Variants in MCM3AP observed in about 807,000 individuals in gnomAD.
MCM3AP encodes the protein minichromosome maintenance complex component 3 associated protein.
MCM3AP carries 126 observed loss-of-function variants against 184.1 expected under a neutral mutation model. That is an observed-to-expected ratio of 0.68 (90% CI 0.59 to 0.79). The LOEUF is 0.79. Ranked by LOEUF, MCM3AP falls within the 30% of genes least tolerant of loss-of-function variation. The pLI, the probability that MCM3AP is intolerant of heterozygous loss-of-function variation, is 0.00. For missense variants in MCM3AP, 2,496 were observed against 2,479.2 expected, an observed-to-expected ratio of 1.01 and a Z score of -0.14; for synonymous variants, 1,002 against 979.3, an observed-to-expected ratio of 1.02 and a Z score of -0.43.
At position 46,256,895 on chromosome 21, in the gene MCM3AP, G is replaced by T. The variant is rs199914820; in HGVS notation, c.3826C>A (p.Leu1276Met). 6.2e-7 allele frequency: 1 copy of T among 1,606,132 alleles called. No homozygotes were observed. Among genetic ancestry groups the T allele is most frequent in the Non-Finnish European group, 8.5e-7 (1 of 1,176,632 alleles). Residue 1276 changes from leucine to methionine, a missense_variant, in exon 17 of 28, where the codon CTG becomes ATG. This residue lies in a region of MCM3AP where 1,323 missense variants were observed against 1,273.4 expected (regional missense o/e 1.04). Coordinates refer to ENST00000291688, the MANE Select transcript of MCM3AP (RefSeq NM_003906.5). ...TCTGCGCTGGGCGCCAGCGCCCTCA[G>T]CCGGTCGCTCACGTCCACGCAGCAG... ...APCCVDVSDR[L>M]RALAPSAECP...
chr21:46,235,322 C>T lies in MCM3AP; in HGVS notation c.5889G>A (p.Glu1963=). Residue 1963 remains glutamate (E), a synonymous_variant, in exon 28 of 28, where the codon GAG becomes GAA. Coordinates refer to ENST00000291688, the MANE Select transcript of MCM3AP (RefSeq NM_003906.5). The part of the protein sequence containing the change: ...LERLIRSSRE[E]EVASELHLSA... The stretch of plus-strand genomic sequence containing the variant: ...AGAGATGGAGCTCAGAGGCAACTTC[C>T]TCTTCCCTTGAACTCCGGATCAGCC... 1 of 1,614,194 alleles carries T rather than the reference C, an allele frequency of 6.2e-7. No homozygotes were observed. Among genetic ancestry groups the T allele is most frequent in the East Asian group, 2.2e-5 (1 of 44,880 alleles).
At chr21:46,247,000 A>C in intron 20 of MCM3AP, 114 bp from the exon 21 acceptor site, 2 of 1,118,420 alleles carry the variant, frequency 1.8e-6, no homozygotes, top group Non-Finnish European at 2.6e-6. Flanking sequence ...TACTGACTGT[A>C]CTCCAGACAG....
At position 46,258,929 on chromosome 21, in the gene MCM3AP, C is replaced by G; in HGVS notation, c.3734+10G>C. ...TGTGTGGATTTTGCCTGTAGGAACA[C>G]AGGACTCACCGCTGTAGATACTTGC... On this transcript the variant is annotated intron_variant, in intron 16 of 27. Transcript: ENST00000291688. 6.2e-7 allele frequency: 1 copy of G among 1,614,050 alleles called. No homozygotes were observed.
intron 23 of MCM3AP, 59 bp from the exon 24 acceptor site, chr21:46,243,781 A>G (rs1764784636): frequency 7.1e-6 from 11 of 1,552,652 alleles, no homozygotes; most frequent in Non-Finnish European, 9.6e-6. Context: ...GAAAATGTAC[A>G]TGAAAACATT....
At chr21:46,266,862 C>T (rs2081118680) in intron 10 of MCM3AP, 120 bp downstream of exon 10, 4 of 1,079,314 alleles carry the variant, frequency 3.7e-6, no homozygotes, top group Non-Finnish European at 5.3e-6. Context: ...TGTTCACCTG[C>T]ATGGCAGAGG....
At position 46,246,677 on chromosome 21, in the gene MCM3AP, A is replaced by C. The variant is rs761064595; in HGVS notation, c.4500T>G (p.Val1500=). ...KPFQPALPLV[V]LVPSPGGDAV... Reference sequence around the variant, plus strand: ...CGTCCCCTCCTGGGCTAGGCACAAGAACCACCAGAGGAAGCGCAGGCTGGA... The same window carrying C: ...CGTCCCCTCCTGGGCTAGGCACAAGCACCACCAGAGGAAGCGCAGGCTGGA... The change falls in exon 21 of 28, where the codon GTT becomes GTG. Residue 1500 remains valine (V), a synonymous_variant. Transcript: ENST00000291688. 20 of 1,614,176 alleles carry C rather than the reference A, an allele frequency of 1.2e-5. 1 individual carries two copies. In the African/African-American group the frequency reaches 1.6e-4, roughly 13 times the overall value.
intron 26 of MCM3AP, among the ~76,000 whole-genome samples, chr21:46,239,232 T>C (rs1386307376): frequency 1.3e-5 from 2 of 152,194 alleles, no homozygotes; most frequent in African/African-American, 4.8e-5. Context: ...TTGCCTTTGA[T>C]TGCAGGTGAA....
intron 6 of MCM3AP, among the ~76,000 whole-genome samples, chr21:46,274,704 G>A (rs191921911): frequency 3.9e-5 from 6 of 152,226 alleles, no homozygotes; most frequent in Middle Eastern, 3.4e-3. Flanking sequence ...GGGAGGCGGA[G>A]GTGGGCAGAT....
chr21:46,254,876 G>C, intron 17 of MCM3AP, 32 bp from the exon 18 acceptor site: 1 of 1,564,726 alleles, frequency 6.4e-7, no homozygotes, highest in Non-Finnish European at 8.8e-7. Flanking sequence ...CAGTGTCCCC[G>C]CAGGAGCTTA....
rs947835314 is a variant in MCM3AP at position 46,247,022 on chromosome 21, C to G, written c.4291-136G>C. 9.1e-6 allele frequency: 7 copies of G among 771,010 alleles called. No individual in the cohort carries two copies. In the Admixed American group the frequency reaches 1.7e-4, roughly 19 times the overall value. 47.8% of individuals were successfully genotyped at this position (771,010 alleles called of 1,614,324 possible). On this transcript the variant is annotated intron_variant, in intron 20 of 27. Transcript: ENST00000291688. ...TGTACTCCAGACAGGCCTCCAAGGG[C>G]ACAGCTGGGCATACCCTGTAGTTAT... is the stretch of plus-strand genomic sequence containing the variant.
Position 46,284,811 on chromosome 21 carries a change from C to T in MCM3AP, c.476G>A (p.Gly159Glu). ...LENAVFKPIL[G>E]AESEPEKTQS... ...GGTTTTCTCTGGCTCAGATTCAGCC[C>T]CCAGTATTGGTTTGAACACTGCATT... Residue 159 changes from glycine (G) to glutamate (E), a missense_variant, in exon 1 of 28, where the codon GGG becomes GAG. Physicochemically the swap from Gly to Glu is moderately conservative, Grantham distance 98. Transcript: ENST00000291688. 1 of 1,613,808 alleles carries T rather than the reference C, an allele frequency of 6.2e-7. No individual in the cohort carries two copies.
At chr21:46,275,159 A>G in intron 6 of MCM3AP, 27 bp downstream of exon 6, 1 of 1,597,150 alleles carries the variant, frequency 6.3e-7, no homozygotes, top group Non-Finnish European at 8.5e-7. Context: ...CCCTGCCCAC[A>G]CTCCACGGGG....
At chr21:46,252,929 G>A (rs1167555815) in intron 19 of MCM3AP, 1 of 152,112 alleles carries the variant, frequency 6.6e-6, no homozygotes, top group African/African-American at 2.4e-5. Context: ...GATTGCTTGA[G>A]CCCAGGAGTT....
Position 46,270,582 on chromosome 21 carries a change from A to G in MCM3AP, c.2466-19T>C. The stretch of plus-strand genomic sequence containing the variant: ...TACTTCTCTGTTAATTAAAGGAGAG[A>G]AAAGGGGTTGGAATGTTATTTTAAA... On this transcript the variant is annotated intron_variant, in intron 8 of 27. Coordinates refer to ENST00000291688, the MANE Select transcript of MCM3AP (RefSeq NM_003906.5). The G allele has an allele frequency of 6.4e-7, 1 of 1,571,634 alleles. No individual in the cohort carries two copies. Among genetic ancestry groups the G allele is most frequent in the East Asian group, 2.3e-5 (1 of 43,888 alleles).
intron 12 of MCM3AP, among the ~76,000 whole-genome samples, 176 bp from the exon 13 acceptor site, chr21:46,264,393 C>T (rs895259791): frequency 6.6e-6 from 1 of 152,196 alleles, no homozygotes; most frequent in Non-Finnish European, 1.5e-5. Context: ...AAGGTGCCAT[C>T]TGGAGAGGAA....
intron 19 of MCM3AP, 153 bp from the exon 20 acceptor site, chr21:46,251,835 C>A: frequency 8.5e-6 from 4 of 468,576 alleles, no homozygotes; most frequent in South Asian, 3.2e-5. Flanking sequence ...CTGATCTGCA[C>A]AAAACAGGCT....
At chr21:46,281,779 A>T (rs13051200) in intron 2 of MCM3AP, among the ~76,000 whole-genome samples, 63,016 of 151,980 alleles carry the variant, frequency 0.41, 13,538 homozygotes, top group Admixed American at 0.48. Flanking sequence ...GGTGCGTGGA[A>T]CACTGAGGTC....
intron 17 of MCM3AP, among the ~76,000 whole-genome samples, chr21:46,256,172 A>G (rs2080946045): frequency 6.6e-6 from 1 of 151,710 alleles, no homozygotes; most frequent in African/African-American, 2.4e-5. Context: ...TGGCACCTAC[A>G]TGGGTTCTAA....
At chr21:46,275,041 C>CA in intron 6 of MCM3AP, 145 bp downstream of exon 6, 1 of 791,484 alleles carries the variant, frequency 1.3e-6, no homozygotes, top group Non-Finnish European at 1.8e-6. Flanking sequence ...GTGAACATCT[C>CA]ACAATGCAAA....
Sources: allele counts gnomAD v4.1 joint callset (sites outside exome capture counted in the v4.1 genomes callset), GRCh38; gene constraint gnomAD v4.1.1; regional missense constraint gnomAD v4.1.1; transcripts MANE v1.5; gene names NCBI Gene and HGNC (gene_info 2026-07-23, HGNC 2026-07-21).